The following COLEC12 variants were observed in gnomAD, a reference collection of about 807,000 sequenced individuals.
COLEC12 encodes the protein collectin-12.
Under a neutral mutation model 71.1 loss-of-function variants are expected in COLEC12, and 33 were observed. The observed-to-expected ratio is 0.46, with a 90% CI of 0.35 to 0.62. The LOEUF is 0.62. Among genes scored for constraint, COLEC12 ranks in the 20% least tolerant of loss-of-function variants. The pLI is 0.00. For missense variants in COLEC12, 765 were observed against 916.1 expected (o/e 0.84, Z 2.13); for synonymous variants, 350 against 353.0 (o/e 0.99, Z 0.10).
At chr18:353,186 G>A (rs1339313160) in intron 3 of COLEC12, among the ~76,000 whole-genome samples, 1 of 152,062 alleles carries the variant, frequency 6.6e-6, no homozygotes, top group Non-Finnish European at 1.5e-5. Context: ...CTACCCCATT[G>A]TACTCAGCCA....
intron 2 of COLEC12, among the ~76,000 whole-genome samples, chr18:406,426 G>A (rs1043009661): frequency 4.7e-5 from 7 of 147,808 alleles, no homozygotes; most frequent in Middle Eastern, 3.6e-3. Context: ...GGAGAATGGC[G>A]TGAACCCGGG....
chr18:451,577 C>G (rs1050662796), intron 2 of COLEC12, among the ~76,000 whole-genome samples: 1 of 152,068 alleles, frequency 6.6e-6, no homozygotes, highest in African/African-American at 2.4e-5. Context: ...AAAACCCCGT[C>G]TCTACTAAAA....
At chr18:466,275 T>C (rs941578464) in intron 2 of COLEC12, among the ~76,000 whole-genome samples, 5 of 152,030 alleles carry the variant, frequency 3.3e-5, no homozygotes, top group Admixed American at 1.3e-4. Context: ...TTTTAAAAAA[T>C]GGTTACATAG....
chr18:435,983 A>T (rs930680513), intron 2 of COLEC12, among the ~76,000 whole-genome samples: 1 of 152,178 alleles, frequency 6.6e-6, no homozygotes, highest in South Asian at 2.1e-4. Context: ...TTCCATGTGT[A>T]TGAAAGTTGT....
chr18:469,143 T>C (rs577641995), intron 2 of COLEC12, among the ~76,000 whole-genome samples: 41 of 152,252 alleles, frequency 2.7e-4, no homozygotes, highest in Non-Finnish European at 6.0e-4. Flanking sequence ...ACAAGTTCTC[T>C]TCACTTGCAC....
intron 2 of COLEC12, among the ~76,000 whole-genome samples, chr18:465,910 C>CA (rs1917076038): frequency 6.6e-6 from 1 of 151,866 alleles, no homozygotes; most frequent in Non-Finnish European, 1.5e-5. Flanking sequence ...CAGTCTCTAC[C>CA]AAAAAATATA....
chr18:495,714 A>G (rs1598383372), intron 1 of COLEC12, among the ~76,000 whole-genome samples: 1 of 152,348 alleles, frequency 6.6e-6, no homozygotes, highest in East Asian at 1.9e-4. Flanking sequence ...GTGGAGCGTG[A>G]CAGCACACAG....
intron 2 of COLEC12, among the ~76,000 whole-genome samples, chr18:364,136 T>C (rs1309341432): frequency 1.3e-5 from 2 of 152,206 alleles, no homozygotes; most frequent in African/African-American, 4.8e-5. Context: ...TTTTTTCATG[T>C]GTATAAAAAG....
intron 5 of COLEC12, among the ~76,000 whole-genome samples, chr18:343,491 G>T (rs1914302778): frequency 6.6e-6 from 1 of 151,968 alleles, no homozygotes; most frequent in African/African-American, 2.4e-5. Context: ...TGCTCTCGGT[G>T]ACCCCTCCCT....
intron 2 of COLEC12, among the ~76,000 whole-genome samples, chr18:450,893 AT>A (rs1916747775): frequency 6.7e-6 from 1 of 149,796 alleles, no homozygotes; most frequent in South Asian, 2.1e-4. Context: ...TAAGGAATTT[AT>A]TGGGAACTGG....
At chr18:417,465 T>C (rs1200687297) in intron 2 of COLEC12, among the ~76,000 whole-genome samples, 1 of 152,206 alleles carries the variant, frequency 6.6e-6, no homozygotes, top group African/African-American at 2.4e-5. Context: ...CTAGGCATTG[T>C]TCTAAAGGTT....
intron 5 of COLEC12, among the ~76,000 whole-genome samples, chr18:345,231 C>A (rs191658147): frequency 1.3e-5 from 2 of 152,318 alleles, no homozygotes; most frequent in Non-Finnish European, 2.9e-5. Context: ...CAACTTAAAA[C>A]CTGTGAAAAT....
chr18:449,479 A>T lies in COLEC12; in HGVS notation c.58+31228T>A, dbSNP rs181299218. Among the ~76,000 whole-genome samples the T allele has an allele frequency of 1.9e-3, 297 of 152,360 alleles. 3 individuals carry two copies. Among genetic ancestry groups the T allele is most frequent in the Non-Finnish European group, 1.5e-5 (1 of 68,036 alleles). On this transcript the variant is annotated intron_variant, in intron 2 of 9. Coordinates refer to ENST00000400256, the MANE Select transcript of COLEC12 (RefSeq NM_130386.3). ...TGGAAACAAACTCTGCAAAGCTGTC[A>T]GTTGCTTCATAGGTCACTGTAATGA...
chr18:429,216 G>A (rs537615073), intron 2 of COLEC12, among the ~76,000 whole-genome samples: 1 of 151,242 alleles, frequency 6.6e-6, no homozygotes, highest in South Asian at 2.1e-4. Flanking sequence ...TTTTTGTTTT[G>A]ATTTGTTTTT....
At chr18:382,680 T>C (rs1915258780) in intron 2 of COLEC12, among the ~76,000 whole-genome samples, 1 of 152,214 alleles carries the variant, frequency 6.6e-6, no homozygotes, top group Non-Finnish European at 1.5e-5. Flanking sequence ...GATTATTGTA[T>C]AGATTAAATG....
chr18:466,805 ACT>A (rs1273657140), intron 2 of COLEC12, among the ~76,000 whole-genome samples: 3 of 152,072 alleles, frequency 2.0e-5, no homozygotes, highest in African/African-American at 7.2e-5. Context: ...GGAGCTGCTC[ACT>A]CTTTTATTCC....
At chr18:321,831 T>C in intron 8 of COLEC12, 24 bp from the exon 9 acceptor site, 1 of 1,611,724 alleles carries the variant, frequency 6.2e-7, no homozygotes, top group Non-Finnish European at 8.5e-7. Context: ...AGAAATTGAA[T>C]GTTATTTGCA....
chr18:420,685 C>T (rs1238211070), intron 2 of COLEC12, among the ~76,000 whole-genome samples: 2 of 152,030 alleles, frequency 1.3e-5, no homozygotes, highest in Admixed American at 6.6e-5. Flanking sequence ...GAGAAAGATT[C>T]GAATGTTAAA....
intron 2 of COLEC12, among the ~76,000 whole-genome samples, chr18:416,413 G>A (rs920596449): frequency 5.3e-5 from 8 of 152,288 alleles, no homozygotes; most frequent in East Asian, 3.9e-4. Context: ...AGAGGCTGAC[G>A]AGAGATATAA....
Sources: allele counts gnomAD v4.1 joint callset (sites outside exome capture counted in the v4.1 genomes callset), GRCh38; gene constraint gnomAD v4.1.1; transcripts MANE v1.5; gene names NCBI Gene and HGNC (gene_info 2026-07-23, HGNC 2026-07-21).